USP44: variants seen among roughly 807,000 people sequenced by gnomAD.
USP44 encodes ubiquitin specific peptidase 44.
Under a neutral mutation model 69.0 loss-of-function variants are expected in USP44, and 61 were observed. The ratio of observed to expected loss-of-function variants is 0.88; its 90% CI spans 0.72 to 1.09. USP44 has a LOEUF of 1.09. Ranked by LOEUF, USP44 falls within the 50% of genes least tolerant of loss-of-function variation. The pLI, the probability that USP44 is intolerant of heterozygous loss-of-function variation, is 0.00. For missense variants in USP44, 753 were observed against 849.9 expected, an observed-to-expected ratio of 0.89 and a Z score of 1.42; for synonymous variants, 297 against 295.4, an observed-to-expected ratio of 1.01 and a Z score of -0.06.
At chr12:95,542,405 T>C (rs1489060848) in intron 1 of USP44, among the ~76,000 whole-genome samples, 1 of 152,208 alleles carries the variant, frequency 6.6e-6, no homozygotes, top group African/African-American at 2.4e-5. Flanking sequence ...TTTTTCAGGC[T>C]ACCAAATTCT....
rs560354662 is a variant in USP44 at position 95,533,859 on chromosome 12, T to G, written c.398A>C (p.His133Pro). Residue 133 changes from histidine to proline, a missense_variant, in exon 2 of 6, where the codon CAT (histidine) becomes CCT (proline). Transcript: ENST00000258499. Reference protein sequence around the residue: ...MGTGDDSYFLHDGAQSLLQSE... With the variant: ...MGTGDDSYFLPDGAQSLLQSE... ...TTGAAGCAGAGATTGGGCACCGTCATGTAAGAAATAAGAATCATCACCTGT... is the reference window on the plus strand; with the variant it reads ...TTGAAGCAGAGATTGGGCACCGTCAGGTAAGAAATAAGAATCATCACCTGT... 3 of 1,614,144 alleles carry G rather than the reference T, an allele frequency of 1.9e-6. No homozygotes were observed. The South Asian group carries it at 3.3e-5, about 18-fold the overall frequency.
At chr12:95,537,854 T>G (rs2077257228) in intron 1 of USP44, among the ~76,000 whole-genome samples, 1 of 152,174 alleles carries the variant, frequency 6.6e-6, no homozygotes, top group African/African-American at 2.4e-5. Context: ...AATAACATGT[T>G]TTAAATAAAA....
At chr12:95,541,733 C>T (rs1326912027) in intron 1 of USP44, among the ~76,000 whole-genome samples, 1 of 152,144 alleles carries the variant, frequency 6.6e-6, no homozygotes, top group African/African-American at 2.4e-5. Context: ...AGATTCTAAC[C>T]TATCTTTGCC....
At position 95,517,904 on chromosome 12, in the gene USP44, CAT is replaced by C. The variant is rs2076525654; in HGVS notation, c.*248_*249del. On this transcript the variant is annotated 3_prime_UTR_variant, in exon 6 of 6. Coordinates refer to ENST00000258499, the MANE Select transcript of USP44 (RefSeq NM_032147.5). ...AGTTCATCATCCGAGCCAATTAAGA[CAT>C]AAAAATATAAAAGAGGTAACATCAG... is the stretch of plus-strand genomic sequence containing the variant. The C allele has an allele frequency of 3.1e-6, 1 of 322,964 alleles. No individual in the cohort carries two copies. Among genetic ancestry groups the C allele is most frequent in the Non-Finnish European group, 5.6e-6 (1 of 177,750 alleles). The allele number at this position is 322,964 out of a possible 1,614,324, so 20.0% of individuals were successfully genotyped here. A position where few individuals can be genotyped will look rare whatever the true frequency, so the allele number is the denominator to read the frequency against.
At chr12:95,543,040 A>T (rs2077441706) in intron 1 of USP44, among the ~76,000 whole-genome samples, 1 of 150,522 alleles carries the variant, frequency 6.6e-6, no homozygotes, top group Non-Finnish European at 1.5e-5. Context: ...GTAAGCCTAG[A>T]TCGCACCACT....
chr12:95,549,461 G>A (rs2077683611), intron 1 of USP44, among the ~76,000 whole-genome samples: 1 of 152,136 alleles, frequency 6.6e-6, no homozygotes, highest in South Asian at 2.1e-4. Flanking sequence ...CTGGAAAACA[G>A]GAAAGTCAAG....
At chr12:95,542,388 G>A (rs2077417902) in intron 1 of USP44, among the ~76,000 whole-genome samples, 1 of 152,120 alleles carries the variant, frequency 6.6e-6, no homozygotes, top group African/African-American at 2.4e-5. Context: ...TAGATGTACA[G>A]CTATATTTTT....
At chr12:95,532,727 T>C in intron 2 of USP44, 102 bp downstream of exon 2, 1 of 933,616 alleles carries the variant, frequency 1.1e-6, no homozygotes, top group Non-Finnish European at 1.6e-6. Flanking sequence ...GACCTGAAAA[T>C]GGTACTAGCT....
intron 1 of USP44, among the ~76,000 whole-genome samples, chr12:95,550,870 A>G (rs1367647947): frequency 1.3e-5 from 2 of 152,194 alleles, no homozygotes; most frequent in Non-Finnish European, 2.9e-5. Flanking sequence ...TAATACAATG[A>G]TGTAAGCTAG....
intron 1 of USP44, among the ~76,000 whole-genome samples, chr12:95,539,472 C>T (rs1041617791): frequency 1.3e-5 from 2 of 152,098 alleles, no homozygotes; most frequent in Admixed American, 6.5e-5. Context: ...GTGATCTGCC[C>T]GCCTCGGCCT....
At chr12:95,549,034 C>G (rs2077673381) in intron 1 of USP44, among the ~76,000 whole-genome samples, 2 of 152,194 alleles carry the variant, frequency 1.3e-5, no homozygotes, top group Non-Finnish European at 2.9e-5. Context: ...GCACTGCCTC[C>G]CCGGGCGGGC....
intron 1 of USP44, among the ~76,000 whole-genome samples, chr12:95,543,406 CAAAAAAAAAA>C (rs60127958): frequency 4.6e-5 from 2 of 43,164 alleles, no homozygotes; most frequent in Non-Finnish European, 9.4e-5. Context: ...GACTCTTTCT[CAAAAAAAAAA>C]AAAAAAAAAA....
At chr12:95,550,853 A>C (rs1277800219) in intron 1 of USP44, among the ~76,000 whole-genome samples, 1 of 152,196 alleles carries the variant, frequency 6.6e-6, no homozygotes, top group East Asian at 1.9e-4. Flanking sequence ...TCTTCAATAA[A>C]ATGCCTTAAT....
At chr12:95,539,511 T>C (rs1005165572) in intron 1 of USP44, among the ~76,000 whole-genome samples, 1 of 152,088 alleles carries the variant, frequency 6.6e-6, no homozygotes, top group Non-Finnish European at 1.5e-5. Context: ...TAGGCATGAG[T>C]CACCGCGCCC....
At chr12:95,528,124 C>A (rs1359566159) in intron 3 of USP44, among the ~76,000 whole-genome samples, 1 of 152,210 alleles carries the variant, frequency 6.6e-6, no homozygotes, top group Non-Finnish European at 1.5e-5. Flanking sequence ...CAGGCGTGAG[C>A]CACTGCACCT....
At chr12:95,539,574 G>A (rs2077322983) in intron 1 of USP44, among the ~76,000 whole-genome samples, 1 of 152,152 alleles carries the variant, frequency 6.6e-6, no homozygotes, top group Non-Finnish European at 1.5e-5. Context: ...CATTTTTAAA[G>A]ACAGATGTAT....
chr12:95,546,088 T>C (rs2077561136), intron 1 of USP44, among the ~76,000 whole-genome samples: 1 of 152,194 alleles, frequency 6.6e-6, no homozygotes, highest in African/African-American at 2.4e-5. Context: ...CTCACCCCCA[T>C]CCCTACTTAA....
intron 1 of USP44, among the ~76,000 whole-genome samples, chr12:95,536,767 G>A (rs1365382731): frequency 1.3e-5 from 2 of 152,134 alleles, no homozygotes; most frequent in Admixed American, 6.5e-5. Context: ...ACAGTAGCAT[G>A]GTCTGCATCT....
At chr12:95,551,151 T>G (rs2077716046) in intron 1 of USP44, 121 bp downstream of exon 1, 1 of 152,046 alleles carries the variant, frequency 6.6e-6, no homozygotes, top group Non-Finnish European at 1.5e-5. Flanking sequence ...CTCCTTAAAT[T>G]TTCCTATTTG....
Sources: gnomAD v4.1 joint callset for allele counts (sites outside exome capture counted in the v4.1 genomes callset) on GRCh38, gnomAD v4.1.1 for gene constraint, MANE v1.5 for transcripts, NCBI Gene and HGNC (gene_info 2026-07-23, HGNC 2026-07-21) for gene names.